NDST4: variants seen among roughly 807,000 people sequenced by gnomAD.
NDST4 encodes the protein N-heparan sulfate sulfotransferase 4.
NDST4 carries 63 observed loss-of-function variants against 100.8 expected under a neutral mutation model. That is an observed-to-expected ratio of 0.62 (90% CI 0.51 to 0.77). The LOEUF (loss-of-function observed/expected upper bound fraction) is 0.77. NDST4 is among the 30% of genes least tolerant of loss of function. NDST4 has a pLI of 0.00. For synonymous variants in NDST4, 377 were observed against 361.8 expected, an observed-to-expected ratio of 1.04 and a Z score of -0.48; for missense variants, 943 against 1,018.4, an observed-to-expected ratio of 0.93 and a Z score of 1.01.
intron 2 of NDST4, among the ~76,000 whole-genome samples, chr4:114,978,028 C>T (rs777525610): frequency 7.2e-5 from 11 of 151,892 alleles, no homozygotes; most frequent in Middle Eastern, 3.2e-3. Flanking sequence ...ATCCTTTCAC[C>T]GCCATTATTC....
intron 6 of NDST4, among the ~76,000 whole-genome samples, chr4:114,927,042 T>C (rs1249796229): frequency 6.6e-6 from 1 of 152,030 alleles, no homozygotes; most frequent in Non-Finnish European, 1.5e-5. Flanking sequence ...ATGGGAAGGT[T>C]TTTTTCTTTC....
At chr4:114,997,870 A>AT (rs746547774) in intron 2 of NDST4, among the ~76,000 whole-genome samples, 1 of 152,070 alleles carries the variant, frequency 6.6e-6, no homozygotes, top group Non-Finnish European at 1.5e-5. Flanking sequence ...TAATAGACAA[A>AT]TAATTCCCCC....
chr4:114,830,368 T>G (rs999346427), intron 12 of NDST4, among the ~76,000 whole-genome samples: 2 of 152,228 alleles, frequency 1.3e-5, no homozygotes, highest in Non-Finnish European at 2.9e-5. Context: ...GAATTAAAGC[T>G]TTCAGTTCAG....
At chr4:114,988,958 T>C (rs772644938) in intron 2 of NDST4, among the ~76,000 whole-genome samples, 1 of 152,194 alleles carries the variant, frequency 6.6e-6, no homozygotes, top group Non-Finnish European at 1.5e-5. Context: ...TTTTCTTTAC[T>C]TGGCAGATAA....
chr4:115,042,140 T>C (rs551472256), intron 2 of NDST4, among the ~76,000 whole-genome samples: 23 of 152,238 alleles, frequency 1.5e-4, no homozygotes, highest in African/African-American at 5.5e-4. Context: ...AAATAAACAA[T>C]TCATAAGTTT....
At chr4:115,082,107 G>A (rs1288897917) in intron 1 of NDST4, among the ~76,000 whole-genome samples, 3 of 149,788 alleles carry the variant, frequency 2.0e-5, no homozygotes, top group South Asian at 4.1e-4. Context: ...TTTTGTAGGT[G>A]TTGATTTTCC....
At chr4:114,858,686 G>A (rs1723852537) in intron 7 of NDST4, among the ~76,000 whole-genome samples, 1 of 152,166 alleles carries the variant, frequency 6.6e-6, no homozygotes, top group Admixed American at 6.5e-5. Flanking sequence ...TTTGAGTCCA[G>A]GAGTTGATGT....
chr4:114,979,964 G>A (rs1726729479), intron 2 of NDST4, among the ~76,000 whole-genome samples: 1 of 151,678 alleles, frequency 6.6e-6, no homozygotes, highest in East Asian at 1.9e-4. Context: ...CAAAGGAAGG[G>A]AGAAAAAAAT....
intron 10 of NDST4, 146 bp downstream of exon 10, chr4:114,845,677 T>C (rs1047073558): frequency 4.8e-6 from 3 of 622,846 alleles, no homozygotes; most frequent in Admixed American, 6.9e-5. Flanking sequence ...ACAGCTCATA[T>C]TTCTCATATT....
intron 6 of NDST4, among the ~76,000 whole-genome samples, chr4:114,881,547 G>T (rs1560793089): frequency 6.6e-6 from 1 of 152,122 alleles, no homozygotes; most frequent in East Asian, 1.9e-4. Context: ...ATAGAAGCAT[G>T]CTGTGGCTGC....
rs758942042 is a variant in NDST4 at position 114,845,894 on chromosome 4, A to T, written c.2044T>A (p.Ser682Thr). The stretch of plus-strand genomic sequence containing the variant: ...ATGATCTTGGCTTTGGGGACAAGAG[A>T]TGCGGCTCGTCTTGGAGCTTCTTCC... ...HSEEAPRRAA[S>T]LVPKAKIITI... The change falls in exon 10 of 14, where the codon TCT (serine) becomes ACT (threonine). Residue 682 changes from serine (S) to threonine (T), a missense_variant. By Grantham distance (58) the Ser-to-Thr change is moderately conservative (BLOSUM62 1). This residue lies in a region of NDST4 where 526 missense variants were observed against 634.1 expected (regional missense o/e 0.83). Transcript: ENST00000264363. 4 of 1,614,106 alleles carry T rather than the reference A, an allele frequency of 2.5e-6. No homozygotes were observed. Among genetic ancestry groups the T allele is most frequent in the Non-Finnish European group, 3.4e-6 (4 of 1,179,978 alleles).
intron 4 of NDST4, among the ~76,000 whole-genome samples, chr4:114,946,973 G>C (rs979093144): frequency 2.0e-5 from 3 of 149,910 alleles, no homozygotes; most frequent in Admixed American, 6.6e-5. Context: ...TTTTTTTTTT[G>C]TTGGTCGATT....
chr4:114,861,913 C>T (rs1044956746), intron 7 of NDST4, among the ~76,000 whole-genome samples: 5 of 152,012 alleles, frequency 3.3e-5, no homozygotes, highest in Non-Finnish European at 7.4e-5. Flanking sequence ...TCTGAGTTTC[C>T]TGTCATATTT....
At chr4:114,844,504 C>A (rs953732056) in intron 10 of NDST4, among the ~76,000 whole-genome samples, 2 of 152,190 alleles carry the variant, frequency 1.3e-5, no homozygotes, top group African/African-American at 2.4e-5. Flanking sequence ...TATACTGTAT[C>A]CTCTACTCCA....
chr4:114,892,812 T>A (rs1425468452), intron 6 of NDST4, among the ~76,000 whole-genome samples: 1 of 152,002 alleles, frequency 6.6e-6, no homozygotes, highest in Non-Finnish European at 1.5e-5. Context: ...AAGGGGTACA[T>A]TTGCAGAACA....
At chr4:114,883,977 GTCTACAAGACAC>G (rs1323002146) in intron 6 of NDST4, among the ~76,000 whole-genome samples, 1 of 152,014 alleles carries the variant, frequency 6.6e-6, no homozygotes, top group Non-Finnish European at 1.5e-5. Flanking sequence ...GGGACCCCTG[GTCTACAAGACAC>G]TCCCTACAAA....
intron 6 of NDST4, among the ~76,000 whole-genome samples, chr4:114,896,262 A>G (rs1724710314): frequency 6.6e-6 from 1 of 152,028 alleles, no homozygotes; most frequent in South Asian, 2.1e-4. Flanking sequence ...GTAGTTTTAT[A>G]TTATTATTAC....
At chr4:114,955,679 A>T (rs1411831056) in intron 4 of NDST4, among the ~76,000 whole-genome samples, 1 of 152,224 alleles carries the variant, frequency 6.6e-6, no homozygotes, top group Admixed American at 6.5e-5. Context: ...ATAACAGGTG[A>T]AAATTATTTT....
At chr4:115,040,642 G>A (rs1578476125) in intron 2 of NDST4, among the ~76,000 whole-genome samples, 1 of 151,982 alleles carries the variant, frequency 6.6e-6, no homozygotes, top group Non-Finnish European at 1.5e-5. Context: ...CTACAGCACA[G>A]CTCGTAGCCA....
Sources: gnomAD v4.1 joint callset for allele counts (sites outside exome capture counted in the v4.1 genomes callset) on GRCh38, gnomAD v4.1.1 for gene constraint, gnomAD v4.1.1 regional missense constraint, MANE v1.5 for transcripts, NCBI Gene and HGNC (gene_info 2026-07-23, HGNC 2026-07-21) for gene names.